Variants in CASZ1 observed in about 807,000 individuals in gnomAD.
CASZ1 encodes zinc finger protein castor homolog 1.
CASZ1 carries 28 observed loss-of-function variants against 135.2 expected under a neutral mutation model. That is an observed-to-expected ratio of 0.21 (90% confidence interval 0.15 to 0.28). The LOEUF (loss-of-function observed/expected upper bound fraction) is 0.28, where lower values mean the gene tolerates loss of function less well. Among genes scored for constraint, CASZ1 ranks in the 10% least tolerant of loss-of-function variants. CASZ1 has a pLI of 1.00. For synonymous variants in CASZ1, 1,068 were observed against 1,073.4 expected (o/e 0.99, Z 0.10); for missense variants, 2,161 against 2,453.3 (o/e 0.88, Z 2.52).
Position 10,757,315 on chromosome 1 carries a change from C to T in CASZ1, c.-77+3386G>A, listed in dbSNP as rs953521442. Among the ~76,000 whole-genome samples, 12 of 152,132 alleles carry T rather than the reference C, an allele frequency of 7.9e-5. No individual in the cohort carries two copies. Among genetic ancestry groups the T allele is most frequent in the African/African-American group, 2.7e-4 (11 of 41,408 alleles). ...ATCCTGGGGCCCTCTCTTTTCCTTGCCCCGTTGAATCCATCATTGAGTCCT... is the reference window on the plus strand; with the variant it reads ...ATCCTGGGGCCCTCTCTTTTCCTTGTCCCGTTGAATCCATCATTGAGTCCT... On this transcript the variant is annotated intron_variant, in intron 2 of 20. Coordinates refer to ENST00000377022, the MANE Select transcript of CASZ1 (RefSeq NM_001079843.3). This position sits in a 1 kb window ranked among gnomAD's most constrained non-coding sequence, Gnocchi z 4.6.
chr1:10,729,640 T>C (rs284279), intron 2 of CASZ1, among the ~76,000 whole-genome samples: 78,525 of 152,014 alleles, frequency 0.52, 21,801 homozygotes, highest in Non-Finnish European at 0.62. Context: ...GTCCCCATAG[T>C]GGAACACAGT....
rs1331347287 is a variant in CASZ1, at chr1:10,792,330, C to T, written c.-234+4234G>A. ...ACATGGCTTACCCCTCCCCCCCGCCCCCCCCCCCCCGGCCCCGCACACAAA... is the reference window on the plus strand; with the variant it reads ...ACATGGCTTACCCCTCCCCCCCGCCTCCCCCCCCCCGGCCCCGCACACAAA... On this transcript the variant is annotated intron_variant, in intron 1 of 20. Transcript: ENST00000377022. 1.6e-3 allele frequency among the ~76,000 whole-genome samples: 41 copies of T among 26,176 alleles called. 3 individuals are homozygous for T. The highest frequency in any genetic ancestry group is 8.6e-3 in the Middle Eastern group (1 of 116). 17.2% of individuals were successfully genotyped at this position (26,176 alleles called of 152,430 possible). A position where few individuals can be genotyped will look rare whatever the true frequency, so the allele number is the denominator to read the frequency against.
Position 10,666,167 on chromosome 1 carries a change from C to T in CASZ1, c.17-596G>A, listed in dbSNP as rs961589740. Among the ~76,000 whole-genome samples the T allele has an allele frequency of 4.6e-5, 7 of 152,152 alleles. No homozygotes were observed. Among genetic ancestry groups the T allele is most frequent in the Non-Finnish European group, 7.4e-5 (5 of 68,024 alleles). On this transcript the variant is annotated intron_variant, in intron 4 of 20. Coordinates refer to ENST00000377022, the MANE Select transcript of CASZ1 (RefSeq NM_001079843.3). This position sits in a 1 kb window ranked among gnomAD's most constrained non-coding sequence, Gnocchi z 5.2. ...CCCACCCGAGCACGTCAGCCCCTGG[C>T]GGCTCCTCTGCCAGGCCAGGTCCCT...
rs1640571983 is a variant in CASZ1 at position 10,771,302 on chromosome 1, C to A, written c.-233-10445G>T. Among the ~76,000 whole-genome samples the A allele has an allele frequency of 1.3e-5, 2 of 152,044 alleles. 1 individual carries two copies. Among genetic ancestry groups the A allele is most frequent in the South Asian group, 4.2e-4 (2 of 4,814 alleles). On this transcript the variant is annotated intron_variant, in intron 1 of 20. Transcript: ENST00000377022. Reference sequence around the variant, plus strand: ...CGGGGGTGGCGGCAGGATAAATGTCCTTACTTAGAAGTTTTTATTATTATT... The same window carrying A: ...CGGGGGTGGCGGCAGGATAAATGTCATTACTTAGAAGTTTTTATTATTATT...
Position 10,657,817 on chromosome 1 carries a change from T to G in CASZ1, c.1409+691A>C. Among the ~76,000 whole-genome samples the G allele has an allele frequency of 6.7e-6, 1 of 149,378 alleles. No individual in the cohort carries two copies. On this transcript the variant is annotated intron_variant, in intron 7 of 20. Transcript: ENST00000377022. This position sits in a 1 kb window ranked among gnomAD's most constrained non-coding sequence, Gnocchi z 5.7. ...GTGGGGGGGTGGGGGCGGGGGGTGT[T>G]ATTTGTGTGATTTGGGGGAATCTGT...
rs527680118 is a variant in CASZ1, at chr1:10,780,783, T to C, written c.-234+15781A>G. Among the ~76,000 whole-genome samples, 3 of 152,264 alleles carry C rather than the reference T, an allele frequency of 2.0e-5. No individual in the cohort carries two copies. The South Asian group carries it at 6.2e-4, about 32-fold the overall frequency. ...CCAGCGTTGGAACCCTAGCTCTCCTTTAATGAGCTGAGTGAACTCAGGTAA... is the reference window on the plus strand; with the variant it reads ...CCAGCGTTGGAACCCTAGCTCTCCTCTAATGAGCTGAGTGAACTCAGGTAA... On this transcript the variant is annotated intron_variant, in intron 1 of 20. Coordinates refer to ENST00000377022, the MANE Select transcript of CASZ1 (RefSeq NM_001079843.3).
rs1295266656 is a variant in CASZ1, at chr1:10,727,326, T to C, written c.-76-21782A>G. Among the ~76,000 whole-genome samples the C allele has an allele frequency of 2.6e-5, 4 of 152,068 alleles. No homozygotes were observed. The highest frequency in any genetic ancestry group is 4.8e-5 in the African/African-American group (2 of 41,392). On this transcript the variant is annotated intron_variant, in intron 2 of 20. Coordinates refer to ENST00000377022, the MANE Select transcript of CASZ1 (RefSeq NM_001079843.3). This position sits in a 1 kb window ranked among gnomAD's most constrained non-coding sequence, Gnocchi z 5.3. ...CTCCAGGTCATCGGCCATCCAGCTC[T>C]TCATTCACAACTCTCCATGTGTGCT...
At chr1:10,761,278 G>A (rs527636570) in intron 1 of CASZ1, among the ~76,000 whole-genome samples, 1 of 152,326 alleles carries the variant, frequency 6.6e-6, no homozygotes, top group East Asian at 1.9e-4. Context: ...CCAACCCTGG[G>A]CTCCCCAACG....
At chr1:10,730,653 A>C (rs1639687337) in intron 2 of CASZ1, among the ~76,000 whole-genome samples, 1 of 152,248 alleles carries the variant, frequency 6.6e-6, no homozygotes. Context: ...CAGGGGAAAA[A>C]AACCTGACAA....
rs1029421241 is a variant in CASZ1 at position 10,741,733 on chromosome 1, C to T, written c.-77+18968G>A. ...TCCTACTAGGCCCTGGAATGCCAGA[C>T]ATTTTGCAGCTTTTATAACATGTGT... is the stretch of plus-strand genomic sequence containing the variant. On this transcript the variant is annotated intron_variant, in intron 2 of 20. Coordinates refer to ENST00000377022, the MANE Select transcript of CASZ1 (RefSeq NM_001079843.3). This position sits in a 1 kb window ranked among gnomAD's most constrained non-coding sequence, Gnocchi z 5.0. Among the ~76,000 whole-genome samples, 2 of 152,060 alleles carry T rather than the reference C, an allele frequency of 1.3e-5. No homozygotes were observed. Among genetic ancestry groups the T allele is most frequent in the South Asian group, 2.1e-4 (1 of 4,820 alleles).
chr1:10,763,035 TC>T (rs1421156385), intron 1 of CASZ1, among the ~76,000 whole-genome samples: 1 of 152,150 alleles, frequency 6.6e-6, no homozygotes, highest in Non-Finnish European at 1.5e-5. Context: ...CCCACGGTCT[TC>T]CCCATTCCTG....
intron 3 of CASZ1, among the ~76,000 whole-genome samples, chr1:10,702,855 C>T (rs1452103634): frequency 6.6e-6 from 1 of 152,072 alleles, no homozygotes; most frequent in African/African-American, 2.4e-5. Context: ...GCTCTCTGCA[C>T]GATGCCGGGG....
rs61368697 is a variant in CASZ1, at chr1:10,741,004, A to ATT, written c.-77+19695_-77+19696dup. Reference sequence around the variant, plus strand: ...AAAAAAAAGTCTAAAAAACACTTAGATTTTTTTTTTGACAGTCTTACTCTG... The same window carrying ATT: ...AAAAAAAAGTCTAAAAAACACTTAGATTTTTTTTTTTTGACAGTCTTACTCTG... On this transcript the variant is annotated intron_variant, in intron 2 of 20. Coordinates refer to ENST00000377022, the MANE Select transcript of CASZ1 (RefSeq NM_001079843.3). This position sits in a 1 kb window ranked among gnomAD's most constrained non-coding sequence, Gnocchi z 5.0. Among the ~76,000 whole-genome samples the ATT allele has an allele frequency of 9.4e-4, 133 of 142,092 alleles. 1 individual carries two copies. Among genetic ancestry groups the ATT allele is most frequent in the East Asian group, 2.3e-3 (11 of 4,802 alleles). 93.2% of individuals were successfully genotyped at this position (142,092 alleles called of 152,430 possible).
chr1:10,748,947 C>A (rs555432756), intron 2 of CASZ1, among the ~76,000 whole-genome samples: 3 of 152,316 alleles, frequency 2.0e-5, no homozygotes, highest in East Asian at 3.9e-4. Context: ...CCTGCCAGGT[C>A]CCCCAACTCG....
At position 10,721,678 on chromosome 1, in the gene CASZ1, G is replaced by A. The variant is rs1407609881; in HGVS notation, c.-76-16134C>T. Among the ~76,000 whole-genome samples, 1 of 152,198 alleles carries A rather than the reference G, an allele frequency of 6.6e-6. No homozygotes were observed. The highest frequency in any genetic ancestry group is 1.5e-5 in the Non-Finnish European group (1 of 68,032). On this transcript the variant is annotated intron_variant, in intron 2 of 20. Transcript: ENST00000377022. The surrounding 1 kb of genome is among the most constrained non-coding windows in gnomAD (Gnocchi z 5.4). ...CGCCAGTGACCTCCCCTCCTAAGCT[G>A]CACCTCACCACTGACCTGCAAGTGC...
chr1:10,738,719 GA>G (rs1028917991), intron 2 of CASZ1, among the ~76,000 whole-genome samples: 7 of 152,226 alleles, frequency 4.6e-5, no homozygotes, highest in African/African-American at 1.7e-4. Context: ...CCCACAGGGA[GA>G]GGGGGAGGAG....
chr1:10,655,247 T>A (rs1642748468), intron 9 of CASZ1, among the ~76,000 whole-genome samples: 1 of 152,180 alleles, frequency 6.6e-6, no homozygotes, highest in Admixed American at 6.5e-5. Context: ...CAACCCAAAG[T>A]CGCTCCTCCT....
Position 10,646,069 on chromosome 1 carries a change from C to A in CASZ1, c.3696+59G>T. The A allele has an allele frequency of 6.5e-7, 1 of 1,544,716 alleles. No individual in the cohort carries two copies. The highest frequency in any genetic ancestry group is 8.9e-7 in the Non-Finnish European group (1 of 1,120,566). ...GGAGGTGACTGTCCTGTGCCCTGAG[C>A]TAGCCCTGCACCTCCCTGCCCCCTA... On this transcript the variant is annotated intron_variant, in intron 17 of 20. Transcript: ENST00000377022. The surrounding 1 kb of genome is among the most constrained non-coding windows in gnomAD (Gnocchi z 6.4).
rs1642084858 is a variant in CASZ1 at position 10,638,866 on chromosome 1, G to A, written c.*76C>T. The A allele has an allele frequency of 3.1e-6, 3 of 981,984 alleles. No homozygotes were observed. Among genetic ancestry groups the A allele is most frequent in the Admixed American group, 1.2e-4 (2 of 16,148 alleles). 60.8% of individuals were successfully genotyped at this position (981,984 alleles called of 1,614,324 possible). A position where few individuals can be genotyped will look rare whatever the true frequency, so the allele number is the denominator to read the frequency against. On this transcript the variant is annotated 3_prime_UTR_variant, in exon 21 of 21. Transcript: ENST00000377022. This position sits in a 1 kb window ranked among gnomAD's most constrained non-coding sequence, Gnocchi z 5.9. ...CCGGCGGGGCGCGGGGCTCTGCCCA[G>A]GGGCCGCTTCGCGCGGGGCGGCGCC...
Sources: gnomAD v4.1 joint callset for allele counts (sites outside exome capture counted in the v4.1 genomes callset) on GRCh38, gnomAD v4.1.1 for gene constraint, Gnocchi (gnomAD v3.1) non-coding constraint, MANE v1.5 for transcripts, NCBI Gene and HGNC (gene_info 2026-07-23, HGNC 2026-07-21) for gene names.